C8orf34: variants seen among roughly 807,000 people sequenced by gnomAD.
C8orf34 encodes chromosome 8 open reading frame 34.
In C8orf34, 65 loss-of-function variants were observed where a neutral mutation model predicts 68.3. That is an observed-to-expected ratio of 0.95 (90% CI 0.78 to 1.17). The LOEUF (loss-of-function observed/expected upper bound fraction) is 1.17. C8orf34 is among the 50% of genes most tolerant of loss of function. C8orf34 has a pLI of 0.00. For synonymous variants in C8orf34, 244 were observed against 241.2 expected (o/e 1.01, Z -0.11); for missense variants, 664 against 655.4 (o/e 1.01, Z -0.14).
intron 3 of C8orf34, among the ~76,000 whole-genome samples, chr8:68,448,296 C>T (rs944875410): frequency 2.6e-5 from 4 of 152,052 alleles, no homozygotes; most frequent in Non-Finnish European, 5.9e-5. Flanking sequence ...TCTAGTTTCA[C>T]TAGACTGTTA....
At chr8:68,743,326 C>G (rs1822359757) in intron 10 of C8orf34, among the ~76,000 whole-genome samples, 1 of 152,144 alleles carries the variant, frequency 6.6e-6, no homozygotes, top group Non-Finnish European at 1.5e-5. Flanking sequence ...TTTGTTGAGG[C>G]ATAATTTAGG....
chr8:68,330,972 G>T lies in C8orf34; in HGVS notation c.-41G>T. ...ATTTCCCCACTGCGCCGGGCGCTGC[G>T]GAGAGCGGCGAGGGTGGGCGCGAGG... On this transcript the variant is annotated 5_prime_UTR_variant, in exon 1 of 14. Transcript: ENST00000518698. 7.5e-7 allele frequency: 1 copy of T among 1,337,588 alleles called. No homozygotes were observed. The allele number at this position is 1,337,588 out of a possible 1,614,324, so 82.9% of individuals were successfully genotyped here.
intron 5 of C8orf34, among the ~76,000 whole-genome samples, chr8:68,511,007 C>T (rs566483801): frequency 2.0e-5 from 3 of 152,154 alleles, no homozygotes; most frequent in Non-Finnish European, 4.4e-5. Context: ...TATATTGGCT[C>T]TGCAAGTTGA....
chr8:68,510,373 G>A (rs1045389785), intron 5 of C8orf34, among the ~76,000 whole-genome samples: 1 of 152,050 alleles, frequency 6.6e-6, no homozygotes, highest in Non-Finnish European at 1.5e-5. Context: ...TGAGGGATAG[G>A]CATCCTATTT....
chr8:68,742,871 T>C (rs189932696), intron 10 of C8orf34, among the ~76,000 whole-genome samples: 7 of 152,312 alleles, frequency 4.6e-5, no homozygotes, highest in Admixed American at 2.6e-4. Context: ...TAAGGTTAAT[T>C]ACCACTTTTT....
chr8:68,436,262 T>A (rs1020359768), intron 1 of C8orf34, among the ~76,000 whole-genome samples: 1 of 152,080 alleles, frequency 6.6e-6, no homozygotes, highest in East Asian at 1.9e-4. Flanking sequence ...TTTCAAAGAC[T>A]GAGTGTCTAA....
chr8:68,425,637 C>T (rs1049393152), intron 1 of C8orf34, among the ~76,000 whole-genome samples: 3 of 151,086 alleles, frequency 2.0e-5, no homozygotes, highest in African/African-American at 7.3e-5. Flanking sequence ...GCATTCTTAT[C>T]ATAATTTCAT....
At chr8:68,343,053 T>A (rs1806135165) in intron 1 of C8orf34, among the ~76,000 whole-genome samples, 1 of 152,168 alleles carries the variant, frequency 6.6e-6, no homozygotes. Flanking sequence ...TTGGAATGAA[T>A]ACCTGCAAGA....
intron 1 of C8orf34, among the ~76,000 whole-genome samples, chr8:68,380,431 T>C (rs1467028074): frequency 6.6e-6 from 1 of 152,254 alleles, no homozygotes; most frequent in Non-Finnish European, 1.5e-5. Flanking sequence ...TGGAAATTAC[T>C]GTTTACAGTA....
At chr8:68,381,776 T>C (rs1222166335) in intron 1 of C8orf34, among the ~76,000 whole-genome samples, 11 of 144,318 alleles carry the variant, frequency 7.6e-5, no homozygotes, top group Non-Finnish European at 3.0e-5. Context: ...GTATATTAAA[T>C]GGCTTACAAA....
chr8:68,423,125 T>A (rs1405779743), intron 1 of C8orf34, among the ~76,000 whole-genome samples: 1 of 152,192 alleles, frequency 6.6e-6, no homozygotes, highest in Non-Finnish European at 1.5e-5. Flanking sequence ...GAGATTAACA[T>A]TCAGCTTCTC....
intron 12 of C8orf34, among the ~76,000 whole-genome samples, chr8:68,805,409 GTGT>G (rs1824453717): frequency 6.6e-6 from 1 of 152,196 alleles, no homozygotes. Context: ...GTTTTGGGGG[GTGT>G]TGTTTTATCA....
chr8:68,630,934 C>G (rs1407206603), intron 7 of C8orf34, among the ~76,000 whole-genome samples: 7 of 145,912 alleles, frequency 4.8e-5, no homozygotes, highest in African/African-American at 1.5e-4. Flanking sequence ...CATGCCCCAA[C>G]ATGCCCAGCT....
chr8:68,775,979 G>T, intron 10 of C8orf34, among the ~76,000 whole-genome samples: 1 of 152,194 alleles, frequency 6.6e-6, no homozygotes, highest in East Asian at 1.9e-4. Flanking sequence ...ACAGGGAGGG[G>T]AATAACACAC....
chr8:68,408,523 C>T (rs180939054), intron 1 of C8orf34, among the ~76,000 whole-genome samples: 3 of 152,128 alleles, frequency 2.0e-5, no homozygotes, highest in East Asian at 3.9e-4. Flanking sequence ...CCTGAAATAG[C>T]TCTATGTTTT....
intron 8 of C8orf34, among the ~76,000 whole-genome samples, chr8:68,705,893 C>T (rs1386489161): frequency 6.6e-6 from 1 of 152,122 alleles, no homozygotes; most frequent in Non-Finnish European, 1.5e-5. Flanking sequence ...TGGATAGTCT[C>T]AGCCTTACAC....
intron 7 of C8orf34, among the ~76,000 whole-genome samples, chr8:68,585,143 T>G (rs1239709978): frequency 1.3e-5 from 2 of 152,146 alleles, no homozygotes; most frequent in Admixed American, 1.3e-4. Flanking sequence ...GAAGTGAACT[T>G]TGATTGCCCC....
chr8:68,503,351 T>C (rs929312005), intron 5 of C8orf34, among the ~76,000 whole-genome samples: 2 of 152,100 alleles, frequency 1.3e-5, no homozygotes, highest in Non-Finnish European at 2.9e-5. Context: ...TTTGACATAA[T>C]CTGGGCAAGG....
chr8:68,330,962 C>A lies in C8orf34; in HGVS notation c.-51C>A. Reference sequence around the variant, plus strand: ...TCTGCCTCGAATTTCCCCACTGCGCCGGGCGCTGCGGAGAGCGGCGAGGGT... The same window carrying A: ...TCTGCCTCGAATTTCCCCACTGCGCAGGGCGCTGCGGAGAGCGGCGAGGGT... On this transcript the variant is annotated 5_prime_UTR_variant, in exon 1 of 14. Coordinates refer to ENST00000518698, the MANE Select transcript of C8orf34 (RefSeq NM_052958.4). The A allele has an allele frequency of 7.6e-7, 1 of 1,308,846 alleles. No individual in the cohort carries two copies. The highest frequency in any genetic ancestry group is 9.8e-7 in the Non-Finnish European group (1 of 1,015,276). The allele number at this position is 1,308,846 out of a possible 1,614,324, so 81.1% of individuals were successfully genotyped here. A position where few individuals can be genotyped will look rare whatever the true frequency, so the allele number is the denominator to read the frequency against.
Sources: gnomAD v4.1 joint callset for allele counts (sites outside exome capture counted in the v4.1 genomes callset) on GRCh38, gnomAD v4.1.1 for gene constraint, MANE v1.5 for transcripts, NCBI Gene and HGNC (gene_info 2026-07-23, HGNC 2026-07-21) for gene names.